The following SRRM4 variants were observed in gnomAD, a reference collection of about 807,000 sequenced individuals.
SRRM4 encodes serine/arginine repetitive matrix protein 4.
In SRRM4, 33 loss-of-function variants were observed where a neutral mutation model predicts 68.9. The observed-to-expected ratio is 0.48, with a 90% CI of 0.36 to 0.64. SRRM4 has a LOEUF of 0.64. SRRM4 is among the 30% of genes least tolerant of loss of function. The pLI, the probability that SRRM4 is intolerant of heterozygous loss-of-function variation, is 0.00. For missense variants in SRRM4, 817 were observed against 827.1 expected, an observed-to-expected ratio of 0.99 and a Z score of 0.15; for synonymous variants, 318 against 318.8, an observed-to-expected ratio of 1.00 and a Z score of 0.03.
In SRRM4 at chr12:119,112,873, C is replaced by T. The variant is rs185586713; in HGVS notation, c.279-1405C>T. ...CATGCTGGGCTTAATACCTAGGTGA[C>T]GGGTTGATAGGTGCAGCAAACCACC... On this transcript the variant is annotated intron_variant, in intron 2 of 12. Transcript: ENST00000267260. Among the ~76,000 whole-genome samples the T allele has an allele frequency of 1.7e-3, 252 of 152,054 alleles. 4 individuals carry two copies. Among genetic ancestry groups the T allele is most frequent in the Non-Finnish European group, 5.9e-4 (40 of 67,994 alleles).
intron 7 of SRRM4, 110 bp from the exon 8 acceptor site, chr12:119,130,568 C>A: frequency 1.8e-6 from 2 of 1,096,144 alleles, no homozygotes; most frequent in Non-Finnish European, 2.5e-6. Context: ...TGAACATATA[C>A]AAACACCCCC....
chr12:119,095,978 A>G (rs118130684), intron 1 of SRRM4, among the ~76,000 whole-genome samples: 10,514 of 141,020 alleles, frequency 0.075, 478 homozygotes, highest in African/African-American at 0.097. Flanking sequence ...AAAAAAAAAA[A>G]GAAAATGTTT....
intron 1 of SRRM4, among the ~76,000 whole-genome samples, chr12:119,095,398 T>C (rs1242804814): frequency 6.6e-6 from 1 of 152,176 alleles, no homozygotes; most frequent in African/African-American, 2.4e-5. Flanking sequence ...CAGCCCTGGA[T>C]GCACGGGTAG....
At chr12:119,082,480 C>G (rs959512598) in intron 1 of SRRM4, among the ~76,000 whole-genome samples, 4 of 152,194 alleles carry the variant, frequency 2.6e-5, no homozygotes, top group African/African-American at 7.2e-5. Context: ...TGATTTCCCC[C>G]CCTTCTTTTA....
rs145227705 is a variant in SRRM4, at chr12:119,125,372, C to A, written c.516-9C>A. The A allele has an allele frequency of 1.2e-6, 2 of 1,608,660 alleles. No individual in the cohort carries two copies. Among genetic ancestry groups the A allele is most frequent in the Non-Finnish European group, 1.7e-6 (2 of 1,176,436 alleles). ...TCTCCTCTGACTCGTTCCTTCTCAT[C>A]CCCCCAAGATCTCGAAGCCGGCCCC... On this transcript the variant is annotated splice_polypyrimidine_tract_variant and intron_variant, in intron 6 of 12. Coordinates refer to ENST00000267260, the MANE Select transcript of SRRM4 (RefSeq NM_194286.4).
chr12:119,098,570 G>C (rs1205228982), intron 1 of SRRM4, among the ~76,000 whole-genome samples: 1 of 152,222 alleles, frequency 6.6e-6, no homozygotes, highest in African/African-American at 2.4e-5. Context: ...TGCTCGCAGG[G>C]AGCTCATAGT....
intron 1 of SRRM4, among the ~76,000 whole-genome samples, chr12:119,011,463 A>G (rs1953449134): frequency 6.6e-6 from 1 of 152,100 alleles, no homozygotes; most frequent in South Asian, 2.1e-4. Context: ...GACCGTGCCA[A>G]ATGTCCCCTG....
intron 1 of SRRM4, among the ~76,000 whole-genome samples, chr12:119,019,557 T>G (rs965268823): frequency 1.1e-4 from 16 of 152,182 alleles, no homozygotes; most frequent in African/African-American, 3.9e-4. Flanking sequence ...TCTTGCCTTC[T>G]CTGTTGGCAA....
rs370817812 is a variant in SRRM4, at chr12:119,055,173, T to G, written c.132-47063T>G. Among the ~76,000 whole-genome samples, 52 of 152,246 alleles carry G rather than the reference T, an allele frequency of 3.4e-4. No homozygotes were observed. The East Asian group carries it at 7.5e-3, about 22-fold the overall frequency. ...CCTCTGTGAAATCTTATTTTTAAAA[T>G]TCATTGAGAAGATTTATGGGCTACA... On this transcript the variant is annotated intron_variant, in intron 1 of 12. Transcript: ENST00000267260.
At chr12:119,116,574 G>T (rs78669364) in intron 3 of SRRM4, among the ~76,000 whole-genome samples, 1 of 152,154 alleles carries the variant, frequency 6.6e-6, no homozygotes, top group South Asian at 2.1e-4. Context: ...CTTCCTAGCT[G>T]TGTGTCTTTA....
intron 1 of SRRM4, among the ~76,000 whole-genome samples, chr12:119,019,214 G>T (rs1477681564): frequency 1.3e-5 from 2 of 152,102 alleles, no homozygotes; most frequent in East Asian, 3.9e-4. Flanking sequence ...AATGCTCTGG[G>T]GGCCAGCTAC....
At chr12:119,005,682 C>T (rs6490225) in intron 1 of SRRM4, among the ~76,000 whole-genome samples, 108,078 of 152,118 alleles carry the variant, frequency 0.71, 39,398 homozygotes, top group Middle Eastern at 0.89. Flanking sequence ...GGGAATTAAA[C>T]GAAATTATAT....
At chr12:119,047,368 G>C (rs960722434) in intron 1 of SRRM4, among the ~76,000 whole-genome samples, 1 of 152,012 alleles carries the variant, frequency 6.6e-6, no homozygotes, top group Non-Finnish European at 1.5e-5. Flanking sequence ...TTGGGGAACA[G>C]GTGGTGCTTG....
intron 4 of SRRM4, among the ~76,000 whole-genome samples, chr12:119,117,292 G>A (rs1236602745): frequency 1.3e-5 from 2 of 152,126 alleles, no homozygotes; most frequent in Non-Finnish European, 2.9e-5. Context: ...GTGGAAAGCT[G>A]ACAGGACCCA....
intron 1 of SRRM4, among the ~76,000 whole-genome samples, chr12:119,089,282 T>C (rs755903505): frequency 6.6e-6 from 1 of 152,086 alleles, no homozygotes; most frequent in Non-Finnish European, 1.5e-5. Flanking sequence ...TAGGAGATAA[T>C]CATGAAGCTG....
chr12:119,084,839 T>C (rs1268124183), intron 1 of SRRM4, among the ~76,000 whole-genome samples: 1 of 152,038 alleles, frequency 6.6e-6, no homozygotes, highest in Non-Finnish European at 1.5e-5. Context: ...ATCTGAAAAA[T>C]GGGCAGGAGA....
Position 119,159,767 on chromosome 12 carries a change from T to TCTGAA in SRRM4, c.*2969_*2970insCTGAA, listed in dbSNP as rs1954498356. 6.6e-6 allele frequency: 1 copy of TCTGAA among 152,016 alleles called. No individual in the cohort carries two copies. Among genetic ancestry groups the TCTGAA allele is most frequent in the Non-Finnish European group, 1.5e-5 (1 of 68,022 alleles). 9.4% of individuals were successfully genotyped at this position (152,016 alleles called of 1,614,324 possible). On this transcript the variant is annotated 3_prime_UTR_variant, in exon 13 of 13. Transcript: ENST00000267260. ...GTCCCCTGAGATCTGAAGGCTACCTTGGGAAGAGGCATCAGCCATCTTGCT... is the reference window on the plus strand; with the variant it reads ...GTCCCCTGAGATCTGAAGGCTACCTTCTGAAGGGAAGAGGCATCAGCCATCTTGCT...
chr12:119,009,382 G>A (rs570897814), intron 1 of SRRM4, among the ~76,000 whole-genome samples: 1 of 152,294 alleles, frequency 6.6e-6, no homozygotes, highest in Admixed American at 6.5e-5. Flanking sequence ...TCTGCTCCCT[G>A]TCTCAGAGGG....
chr12:119,149,023 C>T (rs540278318), intron 9 of SRRM4, among the ~76,000 whole-genome samples: 131 of 152,252 alleles, frequency 8.6e-4, no homozygotes, highest in African/African-American at 3.1e-3. Context: ...ATAACAAACC[C>T]TTCTGAGACT....
Sources: allele counts gnomAD v4.1 joint callset (sites outside exome capture counted in the v4.1 genomes callset), GRCh38; gene constraint gnomAD v4.1.1; transcripts MANE v1.5; gene names NCBI Gene and HGNC (gene_info 2026-07-23, HGNC 2026-07-21).